RPS6KC1: variants seen among roughly 807,000 people sequenced by gnomAD.
The protein encoded by RPS6KC1 is inactive ribosomal protein S6 kinase delta-1.
In RPS6KC1, 54 loss-of-function variants were observed where a neutral mutation model predicts 103.8. That is an observed-to-expected ratio of 0.52 (90% CI 0.42 to 0.65). RPS6KC1 has a LOEUF of 0.65. Among genes scored for constraint, RPS6KC1 ranks in the 30% least tolerant of loss-of-function variants. The probability of loss-of-function intolerance (pLI) is 0.00; values close to 1 mark genes in which losing one functional copy is unlikely to be tolerated. For synonymous variants in RPS6KC1, 439 were observed against 438.7 expected, an observed-to-expected ratio of 1.00 and a Z score of -0.01; for missense variants, 1,151 against 1,253.8, an observed-to-expected ratio of 0.92 and a Z score of 1.24.
the RPS6KC1 span, among the ~76,000 whole-genome samples, chr1:213,383,551 A>G: frequency 2.0e-5 from 3 of 152,168 alleles, no homozygotes; most frequent in Non-Finnish European, 1.5e-5. Flanking sequence ...GGGAGGTATT[A>G]TGGACTAAAT....
chr1:213,568,054 T>C, the RPS6KC1 span, among the ~76,000 whole-genome samples: 2 of 152,254 alleles, frequency 1.3e-5, no homozygotes, highest in African/African-American at 4.8e-5. Flanking sequence ...GACACTTTGA[T>C]ATCTGACAAG....
chr1:213,340,719 A>G, the RPS6KC1 span, among the ~76,000 whole-genome samples: 1 of 152,240 alleles, frequency 6.6e-6, no homozygotes, highest in African/African-American at 2.4e-5. Flanking sequence ...TAACTCAGAT[A>G]TTCTTGCAAA....
At chr1:213,571,056 A>C in the RPS6KC1 span, among the ~76,000 whole-genome samples, 2 of 152,356 alleles carry the variant, frequency 1.3e-5, no homozygotes, top group South Asian at 4.1e-4. Flanking sequence ...TTTTTGGTTT[A>C]ATAATTGCTT....
At chr1:213,517,861 T>C in the RPS6KC1 span, among the ~76,000 whole-genome samples, 5 of 152,144 alleles carry the variant, frequency 3.3e-5, no homozygotes, top group Admixed American at 6.5e-5. Flanking sequence ...TGTGTGGGAG[T>C]CTAAGTCTCT....
At chr1:213,428,176 C>T in the RPS6KC1 span, among the ~76,000 whole-genome samples, 5 of 152,184 alleles carry the variant, frequency 3.3e-5, no homozygotes, top group African/African-American at 9.7e-5. Flanking sequence ...GAGGCTGCCT[C>T]CTTTCAAACC....
At chr1:213,716,069 T>C in the RPS6KC1 span, among the ~76,000 whole-genome samples, 2 of 152,206 alleles carry the variant, frequency 1.3e-5, no homozygotes, top group Admixed American at 6.5e-5. Flanking sequence ...GTTTGGGAAA[T>C]GCTTATTTTC....
At chr1:213,153,240 C>T (rs935421762) in intron 6 of RPS6KC1, among the ~76,000 whole-genome samples, 10 of 138,606 alleles carry the variant, frequency 7.2e-5, no homozygotes, top group East Asian at 2.3e-4. Context: ...AGAGGGAGAC[C>T]GTGGGGAGAG....
chr1:213,687,449 GC>G, the RPS6KC1 span, among the ~76,000 whole-genome samples: 1 of 152,046 alleles, frequency 6.6e-6, no homozygotes, highest in African/African-American at 2.4e-5. Flanking sequence ...CTTTTTAACA[GC>G]TTAAACACCC....
chr1:213,210,951 T>G (rs1032562831), intron 8 of RPS6KC1, among the ~76,000 whole-genome samples: 4 of 152,242 alleles, frequency 2.6e-5, no homozygotes, highest in African/African-American at 9.6e-5. Context: ...AAACGAGAAC[T>G]ATGTGGATGT....
the RPS6KC1 span, among the ~76,000 whole-genome samples, chr1:213,354,158 A>T: frequency 3.3e-5 from 5 of 152,180 alleles, 1 homozygote; most frequent in Admixed American, 6.5e-5. Flanking sequence ...CAGTTTCCTC[A>T]TATGTAAAAC....
intron 4 of RPS6KC1, among the ~76,000 whole-genome samples, chr1:213,108,522 C>T (rs79517055): frequency 2.0e-5 from 3 of 151,932 alleles, no homozygotes; most frequent in African/African-American, 7.3e-5. Flanking sequence ...GTAAGTTTGC[C>T]TACTTTACTT....
Position 213,273,835 on chromosome 1 carries a change from T to G in RPS6KC1, c.*1201T>G, listed in dbSNP as rs978649550. On this transcript the variant is annotated 3_prime_UTR_variant, in exon 15 of 15. Coordinates refer to ENST00000366960, the MANE Select transcript of RPS6KC1 (RefSeq NM_012424.6). ...AATGTTTTAAAAGTGTTAACATCTGTTTTTTTTTAAACGTTAGCCAAAGAA... is the reference window on the plus strand; with the variant it reads ...AATGTTTTAAAAGTGTTAACATCTGGTTTTTTTTAAACGTTAGCCAAAGAA... 2.0e-5 allele frequency: 3 copies of G among 151,288 alleles called. No individual in the cohort carries two copies. Among genetic ancestry groups the G allele is most frequent in the African/African-American group, 4.9e-5 (2 of 41,002 alleles). The allele number at this position is 151,288 out of a possible 1,614,324, so 9.4% of individuals were successfully genotyped here.
chr1:213,343,391 G>A, the RPS6KC1 span, among the ~76,000 whole-genome samples: 2,885 of 65,472 alleles, frequency 0.044, 293 homozygotes, highest in African/African-American at 0.17. Context: ...AGTGTTGTGT[G>A]TATATATATA....
chr1:213,735,097 G>A, the RPS6KC1 span, among the ~76,000 whole-genome samples: 1 of 152,146 alleles, frequency 6.6e-6, no homozygotes, highest in Non-Finnish European at 1.5e-5. Context: ...CTAATTTTTT[G>A]TAGTTTTAGT....
chr1:213,554,192 G>A, the RPS6KC1 span, among the ~76,000 whole-genome samples: 11 of 152,030 alleles, frequency 7.2e-5, no homozygotes, highest in Non-Finnish European at 1.3e-4. Flanking sequence ...ATCTTGAGTT[G>A]ATTTTTGTAT....
intron 12 of RPS6KC1, among the ~76,000 whole-genome samples, chr1:213,246,012 A>C (rs1280108114): frequency 6.6e-6 from 1 of 152,186 alleles, no homozygotes; most frequent in Non-Finnish European, 1.5e-5. Context: ...TATATTAAAG[A>C]AAACAAATCC....
chr1:213,287,110 G>A, the RPS6KC1 span, among the ~76,000 whole-genome samples: 416 of 152,246 alleles, frequency 2.7e-3, 3 homozygotes, highest in African/African-American at 9.5e-3. Flanking sequence ...TGCACATTTG[G>A]GTGATAAAAT....
At chr1:213,524,333 A>T in the RPS6KC1 span, among the ~76,000 whole-genome samples, 2 of 151,680 alleles carry the variant, frequency 1.3e-5, no homozygotes, top group Admixed American at 6.6e-5. Context: ...CAGGCAGCTC[A>T]GTGGTGCTCT....
chr1:213,230,583 C>G, intron 9 of RPS6KC1, 39 bp downstream of exon 9: 1 of 1,531,272 alleles, frequency 6.5e-7, no homozygotes. Flanking sequence ...GCCTATAATT[C>G]CAGCACTTTG....
Sources: allele counts gnomAD v4.1 joint callset (sites outside exome capture counted in the v4.1 genomes callset), GRCh38; gene constraint gnomAD v4.1.1; transcripts MANE v1.5; gene names NCBI Gene and HGNC (gene_info 2026-07-23, HGNC 2026-07-21).